The following GUCA1C variants were observed in gnomAD, a reference collection of about 807,000 sequenced individuals.
The protein encoded by GUCA1C is guanylyl cyclase-activating protein 3.
A neutral mutation model predicts 16.2 loss-of-function variants in GUCA1C; 15 were observed. The observed-to-expected ratio is 0.93, with a 90% confidence interval of 0.62 to 1.43. GUCA1C has a LOEUF of 1.43. Among genes scored for constraint, GUCA1C ranks in the 40% most tolerant of loss-of-function variants. The pLI is 0.00. For synonymous variants in GUCA1C, 78 were observed against 85.4 expected (o/e 0.91, Z 0.48); for missense variants, 275 against 244.8 (o/e 1.12, Z -0.82).
At chr3:108,933,724 T>C (rs986137254) in intron 1 of GUCA1C, among the ~76,000 whole-genome samples, 4 of 152,202 alleles carry the variant, frequency 2.6e-5, no homozygotes, top group African/African-American at 9.7e-5. Context: ...ATTTATATAC[T>C]GTTGGTGGGA....
At position 108,953,763 on chromosome 3, in the gene GUCA1C, C is replaced by T; in HGVS notation, c.-1G>A. ...CAGCTATAGATTTGCCATTCCCCAT[C>T]TTGACTCACAGTCTACAGCTTTTCC... is the stretch of plus-strand genomic sequence containing the variant. On this transcript the variant is annotated 5_prime_UTR_variant, in exon 1 of 4. Transcript: ENST00000261047. 1 of 1,608,326 alleles carries T rather than the reference C, an allele frequency of 6.2e-7. No individual in the cohort carries two copies. The highest frequency in any genetic ancestry group is 8.5e-7 in the Non-Finnish European group (1 of 1,174,750).
chr3:108,930,041 T>C (rs1946652998), intron 1 of GUCA1C, among the ~76,000 whole-genome samples: 1 of 152,208 alleles, frequency 6.6e-6, no homozygotes, highest in South Asian at 2.1e-4. Context: ...ACAGAAACAA[T>C]CTGTGTCACT....
At chr3:108,927,539 T>C (rs2107293745) in intron 1 of GUCA1C, among the ~76,000 whole-genome samples, 1 of 152,130 alleles carries the variant, frequency 6.6e-6, no homozygotes, top group Admixed American at 6.5e-5. Flanking sequence ...TGAGACTTTC[T>C]AGTGTATTTT....
chr3:108,908,608 A>G (rs530201811), intron 3 of GUCA1C, among the ~76,000 whole-genome samples: 1 of 152,334 alleles, frequency 6.6e-6, no homozygotes, highest in East Asian at 1.9e-4. Context: ...TATTTTCAAT[A>G]TTCTTCTCTC....
At chr3:108,946,393 T>C (rs1257195334) in intron 1 of GUCA1C, among the ~76,000 whole-genome samples, 1 of 152,138 alleles carries the variant, frequency 6.6e-6, no homozygotes, top group Non-Finnish European at 1.5e-5. Context: ...TCTTGGCCTT[T>C]CAAGAGTGTT....
rs1316114281 is a variant in GUCA1C, at chr3:108,919,992, T to A, written c.354+444A>T. ...TATTGAACTTTAGATATGGAAAAGA[T>A]CTGAGATCCCTGAACCAACTATTAG... On this transcript the variant is annotated intron_variant, in intron 2 of 3. Transcript: ENST00000261047. Among the ~76,000 whole-genome samples the A allele has an allele frequency of 2.0e-5, 3 of 152,142 alleles. No homozygotes were observed. The East Asian group carries it at 5.8e-4, about 29-fold the overall frequency.
intron 3 of GUCA1C, 147 bp from the exon 4 acceptor site, chr3:108,908,356 CAAA>C (rs540540488): frequency 0.018 from 5,600 of 312,892 alleles, no homozygotes; most frequent in Middle Eastern, 0.022. Flanking sequence ...TTCATTTAAA[CAAA>C]AAAAAAAAAA....
intron 1 of GUCA1C, among the ~76,000 whole-genome samples, chr3:108,947,877 T>C (rs891332628): frequency 6.6e-5 from 10 of 152,338 alleles, no homozygotes; most frequent in African/African-American, 1.9e-4. Context: ...CAGTCAAATA[T>C]AGCATCAGAT....
At chr3:108,941,242 A>T (rs1946783333) in intron 1 of GUCA1C, among the ~76,000 whole-genome samples, 1 of 152,152 alleles carries the variant, frequency 6.6e-6, no homozygotes, top group Non-Finnish European at 1.5e-5. Context: ...TGTTTCTAAG[A>T]ATTCACTCAT....
In GUCA1C at chr3:108,916,227, A is replaced by G. The variant is rs1237439999; in HGVS notation, c.355-13T>C. 3.7e-6 allele frequency: 6 copies of G among 1,602,166 alleles called. No individual in the cohort carries two copies. The South Asian group carries it at 6.8e-5, about 18-fold the overall frequency. ...GGGCTTGTACCGCCTGCAAAAAGAC[A>G]TTAAATGAAAGAGGTCAACTTTTCT... On this transcript the variant is annotated splice_polypyrimidine_tract_variant and intron_variant, in intron 2 of 3. Coordinates refer to ENST00000261047, the MANE Select transcript of GUCA1C (RefSeq NM_005459.4).
At chr3:108,952,059 T>C (rs1479658580) in intron 1 of GUCA1C, among the ~76,000 whole-genome samples, 1 of 152,220 alleles carries the variant, frequency 6.6e-6, no homozygotes, top group South Asian at 2.1e-4. Context: ...TAAAACTCGA[T>C]AGCTCATTTT....
intron 1 of GUCA1C, among the ~76,000 whole-genome samples, chr3:108,931,862 CTTCTTTTTTT>C (rs1368811401): frequency 4.5e-5 from 5 of 111,486 alleles, no homozygotes; most frequent in Non-Finnish European, 9.3e-5. Context: ...TTTTTTCTTC[CTTCTTTTTTT>C]TTTTTTTTTT....
intron 1 of GUCA1C, among the ~76,000 whole-genome samples, chr3:108,934,938 C>A (rs915026017): frequency 6.6e-6 from 1 of 151,366 alleles, no homozygotes; most frequent in Non-Finnish European, 1.5e-5. Context: ...CTCAGCCTCC[C>A]GAGTAGCTGG....
Position 108,916,225 on chromosome 3 carries a change from A to G in GUCA1C, c.355-11T>C, listed in dbSNP as rs1946510810. Reference sequence around the variant, plus strand: ...GAGGGCTTGTACCGCCTGCAAAAAGACATTAAATGAAAGAGGTCAACTTTT... The same window carrying G: ...GAGGGCTTGTACCGCCTGCAAAAAGGCATTAAATGAAAGAGGTCAACTTTT... On this transcript the variant is annotated splice_polypyrimidine_tract_variant and intron_variant, in intron 2 of 3. Transcript: ENST00000261047. The G allele has an allele frequency of 1.2e-6, 2 of 1,602,514 alleles. No homozygotes were observed. The highest frequency in any genetic ancestry group is 2.7e-5 in the African/African-American group (2 of 74,424).
At chr3:108,934,531 AAAAC>A (rs1946701797) in intron 1 of GUCA1C, among the ~76,000 whole-genome samples, 1 of 152,188 alleles carries the variant, frequency 6.6e-6, no homozygotes, top group African/African-American at 2.4e-5. Context: ...ATCCTAAAAG[AAAAC>A]AAATCATTCT....
chr3:108,953,896 C>G, upstream of GUCA1C: 1 of 631,610 alleles, frequency 1.6e-6, no homozygotes, highest in East Asian at 2.6e-5. Flanking sequence ...CTTACAGCAA[C>G]AAGCTAAATA....
intron 1 of GUCA1C, among the ~76,000 whole-genome samples, chr3:108,946,379 G>A (rs892315635): frequency 1.3e-5 from 2 of 152,004 alleles, no homozygotes; most frequent in Admixed American, 6.6e-5. Context: ...CCATCTGCTC[G>A]CTTTCTTGGC....
intron 3 of GUCA1C, among the ~76,000 whole-genome samples, chr3:108,909,016 C>G (rs1215017071): frequency 6.6e-6 from 1 of 152,084 alleles, no homozygotes; most frequent in Non-Finnish European, 1.5e-5. Flanking sequence ...CAAAGACGGA[C>G]GGAGTGCATT....
At chr3:108,950,051 T>C (rs1946883210) in intron 1 of GUCA1C, among the ~76,000 whole-genome samples, 1 of 152,208 alleles carries the variant, frequency 6.6e-6, no homozygotes, top group African/African-American at 2.4e-5. Flanking sequence ...CTCTTCCCCA[T>C]CACCCCCAGT....
Sources: gnomAD v4.1 joint callset for allele counts (sites outside exome capture counted in the v4.1 genomes callset) on GRCh38, gnomAD v4.1.1 for gene constraint, MANE v1.5 for transcripts, NCBI Gene and HGNC (gene_info 2026-07-23, HGNC 2026-07-21) for gene names.